Variants in NIPAL3 observed in about 807,000 individuals in gnomAD.
NIPAL3 encodes NIPA like domain containing 3, also known as NIPA-like protein 3.
NIPAL3 carries 41 observed loss-of-function variants against 47.2 expected under a neutral mutation model. The observed-to-expected ratio is 0.87, with a 90% confidence interval of 0.68 to 1.13. The LOEUF (loss-of-function observed/expected upper bound fraction) is 1.13. Among genes scored for constraint, NIPAL3 ranks in the 50% most tolerant of loss-of-function variants. The pLI, the probability that NIPAL3 is intolerant of heterozygous loss-of-function variation, is 0.00. For synonymous variants in NIPAL3, 194 were observed against 209.6 expected (o/e 0.93, Z 0.64); for missense variants, 449 against 530.1 (o/e 0.85, Z 1.50).
At chr1:24,448,771 C>G (rs1430305806) in intron 5 of NIPAL3, among the ~76,000 whole-genome samples, 1 of 152,110 alleles carries the variant, frequency 6.6e-6, no homozygotes, top group East Asian at 1.9e-4. Context: ...AACTGAACAT[C>G]CACATATCCT....
chr1:24,464,012 T>A lies in NIPAL3; in HGVS notation c.927-14T>A. ...TGGCCTTATTTCTCTTCCTATCTTATCTCCATTCCGCAGGTGCCTCATTGC... is the reference window on the plus strand; with the variant it reads ...TGGCCTTATTTCTCTTCCTATCTTAACTCCATTCCGCAGGTGCCTCATTGC... On this transcript the variant is annotated splice_polypyrimidine_tract_variant and intron_variant, in intron 10 of 11. Coordinates refer to ENST00000374399, the MANE Select transcript of NIPAL3 (RefSeq NM_020448.5). 1 of 1,607,192 alleles carries A rather than the reference T, an allele frequency of 6.2e-7. No individual in the cohort carries two copies. The highest frequency in any genetic ancestry group is 1.1e-5 in the South Asian group (1 of 90,040).
chr1:24,470,162 T>TAG lies in NIPAL3; in HGVS notation c.*981_*982dup, dbSNP rs1190187911. 17 of 152,268 alleles carry TAG rather than the reference T, an allele frequency of 1.1e-4. No individual in the cohort carries two copies. The highest frequency in any genetic ancestry group is 3.6e-4 in the African/African-American group (15 of 41,556). The allele number at this position is 152,268 out of a possible 1,614,324, so 9.4% of individuals were successfully genotyped here. A position where few individuals can be genotyped will look rare whatever the true frequency, so the allele number is the denominator to read the frequency against. On this transcript the variant is annotated 3_prime_UTR_variant, in exon 12 of 12. Transcript: ENST00000374399. Reference sequence around the variant, plus strand: ...TACTGGTTAATTTCCTTGAAGTCAATAGAGACTCTCTGGGTCCTCATCCCC... The same window carrying TAG: ...TACTGGTTAATTTCCTTGAAGTCAATAGAGAGACTCTCTGGGTCCTCATCCCC...
intron 4 of NIPAL3, among the ~76,000 whole-genome samples, chr1:24,443,678 G>A (rs1645508735): frequency 6.6e-6 from 1 of 152,212 alleles, no homozygotes; most frequent in Non-Finnish European, 1.5e-5. Flanking sequence ...TTGCTGAACT[G>A]GCAGCTTGCA....
intron 5 of NIPAL3, among the ~76,000 whole-genome samples, chr1:24,448,509 AC>A (rs1219886194): frequency 6.6e-6 from 1 of 152,158 alleles, no homozygotes; most frequent in Non-Finnish European, 1.5e-5. Context: ...TTTAAAAGGT[AC>A]GTGTTGAGCT....
intron 5 of NIPAL3, among the ~76,000 whole-genome samples, chr1:24,445,900 T>C (rs988342578): frequency 3.5e-4 from 53 of 152,056 alleles, no homozygotes; most frequent in African/African-American, 1.2e-3. Context: ...TGTAGACCAA[T>C]AGGGCAAGAG....
chr1:24,415,050 T>A (rs1643956009), upstream of NIPAL3: 1 of 152,162 alleles, frequency 6.6e-6, no homozygotes, highest in South Asian at 2.1e-4. Flanking sequence ...CAAATGACAT[T>A]TCTTCATACG....
intron 8 of NIPAL3, among the ~76,000 whole-genome samples, chr1:24,456,884 T>C (rs1260995837): frequency 6.6e-6 from 1 of 151,742 alleles, no homozygotes; most frequent in African/African-American, 2.4e-5. Context: ...TGCCTCAGCC[T>C]CCCAAGTAGC....
intron 3 of NIPAL3, among the ~76,000 whole-genome samples, chr1:24,440,751 A>G (rs1224223844): frequency 6.6e-6 from 1 of 152,156 alleles, no homozygotes; most frequent in Non-Finnish European, 1.5e-5. Flanking sequence ...ACTGGCATGC[A>G]GGCACAGTTG....
chr1:24,439,624 AAT>A (rs202088777), intron 2 of NIPAL3, among the ~76,000 whole-genome samples: 2,946 of 152,220 alleles, frequency 0.019, 90 homozygotes, highest in African/African-American at 0.064. Flanking sequence ...GTCTACAATG[AAT>A]ATATGTTTGG....
chr1:24,416,466 C>T lies in NIPAL3; in HGVS notation c.-258+562C>T, dbSNP rs1358685840. Reference sequence around the variant, plus strand: ...TGATTTGTTCAGAAAGAGGCAAATTCGAATACAGACGCTATGAGCCACGGC... The same window carrying T: ...TGATTTGTTCAGAAAGAGGCAAATTTGAATACAGACGCTATGAGCCACGGC... On this transcript the variant is annotated intron_variant, in intron 1 of 11. Coordinates refer to ENST00000374399, the MANE Select transcript of NIPAL3 (RefSeq NM_020448.5). The surrounding 1 kb of genome is among the most constrained non-coding windows in gnomAD (Gnocchi z 4.8). 2.8e-6 allele frequency: 1 copy of T among 357,124 alleles called. No individual in the cohort carries two copies. The allele number at this position is 357,124 out of a possible 1,614,324, so 22.1% of individuals were successfully genotyped here.
At position 24,454,134 on chromosome 1, in the gene NIPAL3, C is replaced by G; in HGVS notation, c.637+630C>G. The G allele has an allele frequency of 8.1e-7, 1 of 1,235,252 alleles. No individual in the cohort carries two copies. Among genetic ancestry groups the G allele is most frequent in the Non-Finnish European group, 1.0e-6 (1 of 957,474 alleles). The allele number at this position is 1,235,252 out of a possible 1,614,324, so 76.5% of individuals were successfully genotyped here. The stretch of plus-strand genomic sequence containing the variant: ...CTTGACCTCCTGGCCTCAAGTGATC[C>G]CCCTGCCTCGGCCTCCCAAAGTGCC... On this transcript the variant is annotated intron_variant, in intron 7 of 11. Coordinates refer to ENST00000374399, the MANE Select transcript of NIPAL3 (RefSeq NM_020448.5). The surrounding 1 kb of genome is among the most constrained non-coding windows in gnomAD (Gnocchi z 4.1).
rs770137553 is a variant in NIPAL3, at chr1:24,453,477, G to A, written c.610G>A (p.Val204Met). 8.1e-6 allele frequency: 13 copies of A among 1,613,442 alleles called. No homozygotes were observed. The highest frequency in any genetic ancestry group is 1.6e-4 in the Middle Eastern group (1 of 6,080). The change falls in exon 7 of 12, where the codon GTG becomes ATG. Residue 204 changes from valine (V) to methionine (M), a missense_variant. Transcript: ENST00000374399. ...GGAGAAGAACGCCAACAACATTGTCGTGATTCTTCTCTTGGTGGCGTTACT... is the reference window on the plus strand; with the variant it reads ...GGAGAAGAACGCCAACAACATTGTCATGATTCTTCTCTTGGTGGCGTTACT... ...YKEKNANNIV[V>M]ILLLVALLGS...
chr1:24,456,244 C>A lies in NIPAL3; in HGVS notation c.744C>A (p.Cys248Ter). 1.2e-6 allele frequency: 2 copies of A among 1,614,230 alleles called. No individual in the cohort carries two copies. Among genetic ancestry groups the A allele is most frequent in the Non-Finnish European group, 1.7e-6 (2 of 1,180,034 alleles). Residue 248 changes from cysteine to a stop codon, truncating the protein, a stop_gained, in exon 8 of 12, where the codon TGC becomes TGA. Transcript: ENST00000374399. LOFTEE classifies it high-confidence loss of function. ...CCATCTTCTACGTGATGTTCGTGTG[C>A]ATGGTGGCAACCGCCGTCTATCAGG... is the stretch of plus-strand genomic sequence containing the variant. ...DYPIFYVMFV[C>*]MVATAVYQAA... is the part of the protein sequence containing the mutation.
chr1:24,425,910 C>G (rs1490556034), intron 2 of NIPAL3, among the ~76,000 whole-genome samples: 2 of 152,152 alleles, frequency 1.3e-5, no homozygotes, highest in Non-Finnish European at 2.9e-5. Context: ...GTCAGTCTTC[C>G]TGGCAATAAA....
intron 11 of NIPAL3, chr1:24,466,083 C>T: frequency 6.2e-7 from 1 of 1,611,150 alleles, no homozygotes; most frequent in South Asian, 1.1e-5. Flanking sequence ...ATTTGGAGAG[C>T]CTTTGAGTAA....
intron 5 of NIPAL3, among the ~76,000 whole-genome samples, chr1:24,448,769 A>G (rs1000710697): frequency 7.9e-5 from 12 of 152,138 alleles, no homozygotes; most frequent in African/African-American, 2.7e-4. Flanking sequence ...CAAACTGAAC[A>G]TCCACATATC....
intron 2 of NIPAL3, among the ~76,000 whole-genome samples, chr1:24,422,926 C>T (rs1644399075): frequency 6.6e-6 from 1 of 152,166 alleles, no homozygotes; most frequent in South Asian, 2.1e-4. Context: ...ATCATAAGCT[C>T]TAGATGTTAA....
intron 2 of NIPAL3, 123 bp downstream of exon 2, chr1:24,419,763 C>A: frequency 1.2e-6 from 1 of 829,356 alleles, no homozygotes; most frequent in Non-Finnish European, 1.9e-6. Context: ...AACAGGCAGG[C>A]TCTTCACACA....
chr1:24,440,096 G>A, intron 2 of NIPAL3, 76 bp from the exon 3 acceptor site: 1 of 998,968 alleles, frequency 1.0e-6, no homozygotes, highest in Non-Finnish European at 1.4e-6. Flanking sequence ...GCAGCAAATG[G>A]TTGAGTGTCA....
Sources: gnomAD v4.1 joint callset for allele counts (sites outside exome capture counted in the v4.1 genomes callset) on GRCh38, gnomAD v4.1.1 for gene constraint, Gnocchi (gnomAD v3.1) non-coding constraint, MANE v1.5 for transcripts, NCBI Gene and HGNC (gene_info 2026-07-23, HGNC 2026-07-21) for gene names.